AZIN1: variants seen among roughly 807,000 people sequenced by gnomAD.
AZIN1 encodes ornithine decarboxylase antizyme inhibitor.
AZIN1 carries 12 observed loss-of-function variants against 47.4 expected under a neutral mutation model. The ratio of observed to expected loss-of-function variants is 0.25; its 90% confidence interval spans 0.16 to 0.41. The LOEUF (loss-of-function observed/expected upper bound fraction) is 0.41. Among genes scored for constraint, AZIN1 ranks in the 10% least tolerant of loss-of-function variants. The pLI is 1.00. For missense variants in AZIN1, 410 were observed against 532.4 expected, an observed-to-expected ratio of 0.77 and a Z score of 2.26; for synonymous variants, 155 against 176.3, an observed-to-expected ratio of 0.88 and a Z score of 0.96.
intron 3 of AZIN1, among the ~76,000 whole-genome samples, chr8:102,842,959 G>A (rs1306525462): frequency 6.6e-6 from 1 of 151,970 alleles, no homozygotes; most frequent in Non-Finnish European, 1.5e-5. Context: ...GCTCGTGCCT[G>A]TAATCCCAGC....
At chr8:102,839,587 T>C in intron 4 of AZIN1, 63 bp downstream of exon 4, 1 of 1,207,890 alleles carries the variant, frequency 8.3e-7, no homozygotes, top group Non-Finnish European at 1.1e-6. Flanking sequence ...CTCTAACCGC[T>C]GTAACTACAT....
chr8:102,846,966 T>C (rs1251720473), intron 2 of AZIN1, among the ~76,000 whole-genome samples: 3 of 152,124 alleles, frequency 2.0e-5, no homozygotes, highest in African/African-American at 7.2e-5. Context: ...AGTGTCATTA[T>C]CAATATAAAT....
chr8:102,861,675 A>G (rs1433856357), intron 1 of AZIN1, among the ~76,000 whole-genome samples: 1 of 152,184 alleles, frequency 6.6e-6, no homozygotes, highest in African/African-American at 2.4e-5. Context: ...TTTATACCAA[A>G]GAATGCATAC....
Position 102,834,658 on chromosome 8 carries a change from G to T in AZIN1, c.666+8C>A, listed in dbSNP as rs1237888549. 6.3e-7 allele frequency: 1 copy of T among 1,580,270 alleles called. No individual in the cohort carries two copies. The highest frequency in any genetic ancestry group is 8.6e-7 in the Non-Finnish European group (1 of 1,158,148). Reference sequence around the variant, plus strand: ...AAATATCAAAATAACTTAAAAGAAAGAACTTACAGCCATGTCAAACACACA... The same window carrying T: ...AAATATCAAAATAACTTAAAAGAAATAACTTACAGCCATGTCAAACACACA... On this transcript the variant is annotated splice_region_variant and intron_variant, in intron 7 of 11. Coordinates refer to ENST00000337198, the MANE Select transcript of AZIN1 (RefSeq NM_148174.4).
chr8:102,857,991 C>G (rs1813400663), intron 2 of AZIN1, 22 bp downstream of exon 2: 1 of 398,704 alleles, frequency 2.5e-6, no homozygotes, highest in Non-Finnish European at 4.4e-6. Context: ...TCCTCCCCAC[C>G]AACAAATGTG....
At chr8:102,860,530 T>G (rs1813576419) in intron 1 of AZIN1, among the ~76,000 whole-genome samples, 1 of 152,168 alleles carries the variant, frequency 6.6e-6, no homozygotes, top group Non-Finnish European at 1.5e-5. Context: ...CCCAAAGTGC[T>G]GGGATTACAG....
intron 2 of AZIN1, among the ~76,000 whole-genome samples, chr8:102,850,606 A>G (rs1812859065): frequency 6.6e-6 from 1 of 152,236 alleles, no homozygotes; most frequent in Non-Finnish European, 1.5e-5. Flanking sequence ...TTTAGTGATC[A>G]TAAGATCAGG....
At chr8:102,857,691 A>G (rs984155380) in intron 2 of AZIN1, among the ~76,000 whole-genome samples, 2 of 152,150 alleles carry the variant, frequency 1.3e-5, no homozygotes, top group African/African-American at 4.8e-5. Context: ...CCAGCTGAGT[A>G]GCAAAAATCA....
At chr8:102,844,432 G>C (rs1812429235) in intron 2 of AZIN1, among the ~76,000 whole-genome samples, 1 of 152,012 alleles carries the variant, frequency 6.6e-6, no homozygotes, top group Non-Finnish European at 1.5e-5. Flanking sequence ...CTGAAGCTTT[G>C]ATACAGACTG....
At chr8:102,861,405 T>C (rs1036860902) in intron 1 of AZIN1, among the ~76,000 whole-genome samples, 1 of 151,748 alleles carries the variant, frequency 6.6e-6, no homozygotes, top group Admixed American at 6.6e-5. Context: ...TTTTTGTATT[T>C]TTAGTAGAGA....
intron 2 of AZIN1, among the ~76,000 whole-genome samples, chr8:102,844,613 T>A (rs1156332922): frequency 6.8e-6 from 1 of 147,738 alleles, no homozygotes; most frequent in Non-Finnish European, 1.5e-5. Context: ...CTACCTTAAT[T>A]ATTTCTTCAA....
rs1812059616 is a variant in AZIN1 at position 102,839,777 on chromosome 8, T to C, written c.149A>G (p.Lys50Arg). ...FFVGDLGKIV[K>R]KHSQWQNVVA... ...TACATTCTGCCATTGACTGTGTTTC[T>C]TCACAATCTTTCCAAGATCTCCCAC... The change falls in exon 4 of 12, where the codon AAG becomes AGG. Residue 50 changes from lysine to arginine, a missense_variant. Physicochemically the swap from Lys to Arg is conservative, Grantham distance 26. Coordinates refer to ENST00000337198, the MANE Select transcript of AZIN1 (RefSeq NM_148174.4). The C allele has an allele frequency of 6.2e-7, 1 of 1,604,700 alleles. No individual in the cohort carries two copies. The highest frequency in any genetic ancestry group is 1.3e-5 in the African/African-American group (1 of 74,702).
At chr8:102,857,488 A>G (rs1025682239) in intron 2 of AZIN1, among the ~76,000 whole-genome samples, 1 of 152,128 alleles carries the variant, frequency 6.6e-6, no homozygotes, top group African/African-American at 2.4e-5. Flanking sequence ...TAAAATTCAC[A>G]CATAGAAAAC....
Position 102,843,763 on chromosome 8 carries a change from T to TTATATAAAAGTCTG in AZIN1, c.-95-30_-95-17dup. On this transcript the variant is annotated splice_polypyrimidine_tract_variant and intron_variant, in intron 2 of 11. Transcript: ENST00000337198. The stretch of plus-strand genomic sequence containing the variant: ...ATGCAACAAACTGTCAAAATATAAG[T>TTATATAAAAGTCTG]TATATAAAAGTCTGTATTATTTCAA... 3 of 1,483,370 alleles carry TTATATAAAAGTCTG rather than the reference T, an allele frequency of 2.0e-6. No individual in the cohort carries two copies. The highest frequency in any genetic ancestry group is 1.8e-6 in the Non-Finnish European group (2 of 1,118,046). The allele number at this position is 1,483,370 out of a possible 1,614,324, so 91.9% of individuals were successfully genotyped here. A position where few individuals can be genotyped will look rare whatever the true frequency, so the allele number is the denominator to read the frequency against.
intron 2 of AZIN1, chr8:102,854,307 G>C (rs1485132433): frequency 6.6e-6 from 1 of 151,762 alleles, no homozygotes; most frequent in East Asian, 1.9e-4. Flanking sequence ...AATTCGTAAA[G>C]AACATCTTTC....
intron 2 of AZIN1, among the ~76,000 whole-genome samples, chr8:102,857,558 C>G (rs1404020176): frequency 6.6e-6 from 1 of 151,940 alleles, no homozygotes; most frequent in Non-Finnish European, 1.5e-5. Flanking sequence ...TAATACCATA[C>G]ATATATTTTA....
chr8:102,847,709 T>C (rs1225537271), intron 2 of AZIN1, among the ~76,000 whole-genome samples: 1 of 152,090 alleles, frequency 6.6e-6, no homozygotes, highest in African/African-American at 2.4e-5. Context: ...AGTCAGTCCC[T>C]GTAGCTGAGA....
chr8:102,862,616 A>ATGTGCTTTGATGTACTTCTACTT (rs1813756022), intron 1 of AZIN1, among the ~76,000 whole-genome samples: 1 of 152,116 alleles, frequency 6.6e-6, no homozygotes, highest in Non-Finnish European at 1.5e-5. Flanking sequence ...GCTGTATTTG[A>ATGTGCTTTGATGTACTTCTACTT]TGTGCTTTGA....
intron 9 of AZIN1, among the ~76,000 whole-genome samples, chr8:102,832,442 T>C (rs1811519060): frequency 6.6e-6 from 1 of 152,194 alleles, no homozygotes; most frequent in Non-Finnish European, 1.5e-5. Context: ...TTGTGGCCCT[T>C]ATGTGAGAAA....
Sources: allele counts gnomAD v4.1 joint callset (sites outside exome capture counted in the v4.1 genomes callset), GRCh38; gene constraint gnomAD v4.1.1; transcripts MANE v1.5; gene names NCBI Gene and HGNC (gene_info 2026-07-23, HGNC 2026-07-21).